Variants in GKAP1 observed in about 807,000 individuals in gnomAD.
GKAP1 encodes the protein G kinase anchoring protein 1.
GKAP1 carries 31 observed loss-of-function variants against 56.7 expected under a neutral mutation model. That is an observed-to-expected ratio of 0.55 (90% CI 0.41 to 0.74). The LOEUF (loss-of-function observed/expected upper bound fraction) is 0.74, where lower values mean the gene tolerates loss of function less well. Ranked by LOEUF, GKAP1 falls within the 30% of genes least tolerant of loss-of-function variation. The pLI, the probability that GKAP1 is intolerant of heterozygous loss-of-function variation, is 0.00. For missense variants in GKAP1, 364 were observed against 402.3 expected (o/e 0.90, Z 0.82); for synonymous variants, 151 against 138.6 (o/e 1.09, Z -0.63).
At chr9:83,780,901 A>G (rs979718350) in intron 6 of GKAP1, among the ~76,000 whole-genome samples, 1 of 152,228 alleles carries the variant, frequency 6.6e-6, no homozygotes, top group African/African-American at 2.4e-5. Context: ...AAGGTGATTT[A>G]ATAGCACTAT....
chr9:83,786,351 T>C (rs961449283), intron 5 of GKAP1, among the ~76,000 whole-genome samples: 1 of 152,138 alleles, frequency 6.6e-6, no homozygotes, highest in African/African-American at 2.4e-5. Flanking sequence ...AAGACTAGCC[T>C]GACCAACATG....
chr9:83,799,358 T>G, intron 3 of GKAP1, 30 bp from the exon 4 acceptor site: 1 of 1,483,550 alleles, frequency 6.7e-7, no homozygotes, highest in Non-Finnish European at 9.1e-7. Flanking sequence ...TATATTAAAT[T>G]CAGTTTACCA....
intron 3 of GKAP1, among the ~76,000 whole-genome samples, chr9:83,801,452 G>T (rs1944330459): frequency 6.6e-6 from 1 of 151,898 alleles, no homozygotes; most frequent in South Asian, 2.1e-4. Flanking sequence ...TTCAACTGAG[G>T]ATCAACAATT....
intron 11 of GKAP1, 90 bp downstream of exon 11, chr9:83,742,440 A>C (rs1943223528): frequency 1.3e-6 from 1 of 766,596 alleles, no homozygotes; most frequent in Admixed American, 2.2e-5. Flanking sequence ...ACATCCTTAC[A>C]GTGTTGATGA....
intron 7 of GKAP1, among the ~76,000 whole-genome samples, chr9:83,775,413 T>G (rs574677188): frequency 6.6e-6 from 1 of 152,248 alleles, no homozygotes; most frequent in East Asian, 1.9e-4. Flanking sequence ...GTAATCAATT[T>G]AACATCATAA....
chr9:83,817,088 T>A lies in GKAP1; in HGVS notation c.-136A>T, dbSNP rs1944621684. On this transcript the variant is annotated 5_prime_UTR_variant, in exon 2 of 13. Coordinates refer to ENST00000376371, the MANE Select transcript of GKAP1 (RefSeq NM_025211.4). ...AAGTACATAGAGAAAGAAATTGCGCTGGGCGAAACCTAACTCGGGCAGAGA... is the reference window on the plus strand; with the variant it reads ...AAGTACATAGAGAAAGAAATTGCGCAGGGCGAAACCTAACTCGGGCAGAGA... 1.3e-5 allele frequency: 2 copies of A among 152,112 alleles called. No individual in the cohort carries two copies. The highest frequency in any genetic ancestry group is 2.4e-5 in the African/African-American group (1 of 41,436). The allele number at this position is 152,112 out of a possible 1,614,324, so 9.4% of individuals were successfully genotyped here.
intron 4 of GKAP1, among the ~76,000 whole-genome samples, chr9:83,790,378 T>C (rs1029522536): frequency 3.9e-5 from 6 of 152,198 alleles, no homozygotes; most frequent in Non-Finnish European, 7.3e-5. Context: ...GGGTATTCAA[T>C]GGTTATAAGG....
Position 83,753,248 on chromosome 9 carries a change from G to A in GKAP1, c.840+10C>T, listed in dbSNP as rs561703292. 6.7e-7 allele frequency: 1 copy of A among 1,492,676 alleles called. No individual in the cohort carries two copies. Among genetic ancestry groups the A allele is most frequent in the Admixed American group, 1.8e-5 (1 of 55,832 alleles). The allele number at this position is 1,492,676 out of a possible 1,614,324, so 92.5% of individuals were successfully genotyped here. A position where few individuals can be genotyped will look rare whatever the true frequency, so the allele number is the denominator to read the frequency against. ...ATTATTTTCTTTAACAACAGTAAAT[G>A]GACACAAACCTCCCATTGAGTGATT... is the stretch of plus-strand genomic sequence containing the variant. On this transcript the variant is annotated intron_variant, in intron 9 of 12. Coordinates refer to ENST00000376371, the MANE Select transcript of GKAP1 (RefSeq NM_025211.4).
At chr9:83,747,392 G>T (rs1943312759) in intron 10 of GKAP1, among the ~76,000 whole-genome samples, 1 of 152,098 alleles carries the variant, frequency 6.6e-6, no homozygotes, top group South Asian at 2.1e-4. Context: ...GAAGAGCAGT[G>T]GGGAGGGGAG....
intron 4 of GKAP1, among the ~76,000 whole-genome samples, chr9:83,792,212 A>G (rs1042484697): frequency 3.9e-5 from 6 of 152,210 alleles, no homozygotes; most frequent in Non-Finnish European, 5.9e-5. Flanking sequence ...TGAAGTACCT[A>G]GCACAGTTCC....
At chr9:83,794,708 T>C (rs1407866061) in intron 4 of GKAP1, among the ~76,000 whole-genome samples, 1 of 152,200 alleles carries the variant, frequency 6.6e-6, no homozygotes, top group African/African-American at 2.4e-5. Context: ...TTTTGAGTCA[T>C]GACTTTTAAA....
In GKAP1 at chr9:83,794,386, T is replaced by A. The variant is rs73648571; in HGVS notation, c.360+4799A>T. On this transcript the variant is annotated intron_variant, in intron 4 of 12. Coordinates refer to ENST00000376371, the MANE Select transcript of GKAP1 (RefSeq NM_025211.4). ...GATTTATTTGAATTTACACTCCTTA[T>A]AAGGAAACCAGGTAGTCAAACTACT... Among the ~76,000 whole-genome samples the A allele has an allele frequency of 1.7e-3, 257 of 152,284 alleles. 1 individual carries two copies. Among genetic ancestry groups the A allele is most frequent in the African/African-American group, 6.0e-3 (250 of 41,552 alleles).
chr9:83,741,946 G>A lies in GKAP1; in HGVS notation c.1053+6C>T. On this transcript the variant is annotated splice_donor_region_variant and intron_variant, in intron 12 of 12. Transcript: ENST00000376371. ...ATAAAAACACTTATAAATTATAAAAGCATACCTGGTATTTGGCTAACTCTG... is the reference window on the plus strand; with the variant it reads ...ATAAAAACACTTATAAATTATAAAAACATACCTGGTATTTGGCTAACTCTG... 1.3e-6 allele frequency: 2 copies of A among 1,509,764 alleles called. No homozygotes were observed. Among genetic ancestry groups the A allele is most frequent in the East Asian group, 2.3e-5 (1 of 43,862 alleles). 93.5% of individuals were successfully genotyped at this position (1,509,764 alleles called of 1,614,324 possible).
chr9:83,810,748 A>C (rs1003699906), intron 2 of GKAP1, among the ~76,000 whole-genome samples: 1 of 152,262 alleles, frequency 6.6e-6, no homozygotes, highest in African/African-American at 2.4e-5. Flanking sequence ...GTTAATATAC[A>C]TAAAGTACTT....
chr9:83,783,734 C>T (rs1487668861), intron 6 of GKAP1, among the ~76,000 whole-genome samples: 1 of 152,162 alleles, frequency 6.6e-6, no homozygotes, highest in Non-Finnish European at 1.5e-5. Context: ...TCCTGATCTA[C>T]TGTAAGCCAA....
intron 4 of GKAP1, among the ~76,000 whole-genome samples, chr9:83,796,682 G>A (rs1328757220): frequency 2.6e-5 from 4 of 151,944 alleles, no homozygotes; most frequent in African/African-American, 9.7e-5. Context: ...GGTCAGGCTG[G>A]TCTCGAACTC....
At chr9:83,768,504 C>T (rs1943701554) in intron 8 of GKAP1, among the ~76,000 whole-genome samples, 1 of 152,184 alleles carries the variant, frequency 6.6e-6, no homozygotes, top group Non-Finnish European at 1.5e-5. Flanking sequence ...TCTCCATATC[C>T]CCACAACTCT....
chr9:83,788,047 G>A (rs951437907), intron 5 of GKAP1, among the ~76,000 whole-genome samples: 7 of 152,188 alleles, frequency 4.6e-5, no homozygotes, highest in African/African-American at 1.2e-4. Flanking sequence ...GGAGGCCAAG[G>A]TGGGTGGATC....
intron 4 of GKAP1, among the ~76,000 whole-genome samples, chr9:83,794,405 A>G (rs1330214240): frequency 6.6e-6 from 1 of 152,238 alleles, no homozygotes; most frequent in Non-Finnish European, 1.5e-5. Flanking sequence ...CAGGTAGTCA[A>G]ACTACTGCCA....
Sources: gnomAD v4.1 joint callset for allele counts (sites outside exome capture counted in the v4.1 genomes callset) on GRCh38, gnomAD v4.1.1 for gene constraint, MANE v1.5 for transcripts, NCBI Gene and HGNC (gene_info 2026-07-23, HGNC 2026-07-21) for gene names.